The following ACAP2 variants were observed in gnomAD, a reference collection of about 807,000 sequenced individuals.
ACAP2 encodes ArfGAP with coiled-coil, ankyrin repeat and PH domains 2.
In ACAP2, 39 loss-of-function variants were observed where a neutral mutation model predicts 115.8. The ratio of observed to expected loss-of-function variants is 0.34; its 90% confidence interval spans 0.26 to 0.44. The LOEUF (loss-of-function observed/expected upper bound fraction) is 0.44, where lower values mean the gene tolerates loss of function less well. Among genes scored for constraint, ACAP2 ranks in the 20% least tolerant of loss-of-function variants. The pLI is 1.00. For missense variants in ACAP2, 662 were observed against 927.6 expected, an observed-to-expected ratio of 0.71 and a Z score of 3.72; for synonymous variants, 289 against 315.8, an observed-to-expected ratio of 0.92 and a Z score of 0.90.
rs149964976 is a variant in ACAP2, at chr3:195,342,267, G to T, written c.528+204C>A. ...GAAATATAATGTTAAGAGAAAAGAGGCAGAACTCAGAACCAAAGGAATATA... is the reference window on the plus strand; with the variant it reads ...GAAATATAATGTTAAGAGAAAAGAGTCAGAACTCAGAACCAAAGGAATATA... On this transcript the variant is annotated intron_variant, in intron 6 of 22. Coordinates refer to ENST00000326793, the MANE Select transcript of ACAP2 (RefSeq NM_012287.6). Among the ~76,000 whole-genome samples, 297 of 152,210 alleles carry T rather than the reference G, an allele frequency of 2.0e-3. 7 individuals are homozygous for T. In the East Asian group the frequency reaches 0.03, roughly 16 times the overall value.
chr3:195,369,292 T>C (rs1447591866), intron 4 of ACAP2, among the ~76,000 whole-genome samples: 1 of 152,238 alleles, frequency 6.6e-6, no homozygotes, highest in African/African-American at 2.4e-5. Flanking sequence ...TATTTTAGGT[T>C]CAGTGGTACA....
chr3:195,339,631 A>C (rs75876701), intron 6 of ACAP2, among the ~76,000 whole-genome samples: 3,248 of 152,164 alleles, frequency 0.021, 113 homozygotes, highest in East Asian at 0.099. Context: ...AAGTAGACAT[A>C]AATGAAATAA....
chr3:195,393,436 C>A (rs962341747), intron 1 of ACAP2, among the ~76,000 whole-genome samples: 1 of 152,176 alleles, frequency 6.6e-6, no homozygotes, highest in Non-Finnish European at 1.5e-5. Flanking sequence ...GTGTTTAAAT[C>A]TCTAAAATAA....
At position 195,381,058 on chromosome 3, in the gene ACAP2, C is replaced by A; in HGVS notation, c.236G>T (p.Ser79Ile). 6.3e-7 allele frequency: 1 copy of A among 1,599,126 alleles called. No individual in the cohort carries two copies. The highest frequency in any genetic ancestry group is 1.1e-5 in the South Asian group (1 of 87,378). The change falls in exon 4 of 23, where the codon AGT (serine) becomes ATT (isoleucine). Residue 79 changes from serine to isoleucine, a missense_variant. Ser to Ile is a moderately radical substitution (Grantham distance 142, BLOSUM62 -2). Transcript: ENST00000326793. The part of the protein sequence containing the change: ...YSSNDAVVET[S>I]LTKFSDSLQE... The stretch of plus-strand genomic sequence containing the variant: ...AAGACTGTCAGAAAACTTGGTCAAA[C>A]TTGTCTATGAGAAAAAAAGCAAAAG...
intron 3 of ACAP2, among the ~76,000 whole-genome samples, 195 bp from the exon 4 acceptor site, chr3:195,381,257 C>T (rs994219922): frequency 6.6e-6 from 1 of 152,108 alleles, no homozygotes; most frequent in African/African-American, 2.4e-5. Flanking sequence ...ACAAATAAAA[C>T]CCTAAAAATG....
intron 2 of ACAP2, among the ~76,000 whole-genome samples, chr3:195,387,669 T>C (rs1241252640): frequency 6.6e-6 from 1 of 152,210 alleles, no homozygotes; most frequent in African/African-American, 2.4e-5. Flanking sequence ...TTAGCCAAGC[T>C]GGTCTCAAAC....
At chr3:195,367,262 T>G (rs1298648288) in intron 4 of ACAP2, among the ~76,000 whole-genome samples, 3 of 152,134 alleles carry the variant, frequency 2.0e-5, no homozygotes, top group Non-Finnish European at 4.4e-5. Flanking sequence ...TCTAACAAGT[T>G]CCCAGATGGT....
intron 1 of ACAP2, among the ~76,000 whole-genome samples, chr3:195,417,179 G>A (rs1391917320): frequency 1.1e-4 from 15 of 140,328 alleles, no homozygotes; most frequent in African/African-American, 3.2e-4. Context: ...CAGTCCTCCC[G>A]CCTTAGCCTC....
intron 22 of ACAP2, among the ~76,000 whole-genome samples, chr3:195,280,071 C>A (rs1452706038): frequency 7.6e-6 from 1 of 131,320 alleles, no homozygotes; most frequent in African/African-American, 2.7e-5. Flanking sequence ...CTTTGGGAAG[C>A]TGGGTGGGGG....
chr3:195,410,306 T>G lies in ACAP2; in HGVS notation c.54-18159A>C, dbSNP rs528776432. 1.5e-4 allele frequency among the ~76,000 whole-genome samples: 23 copies of G among 152,276 alleles called. No individual in the cohort carries two copies. In the South Asian group the frequency reaches 4.8e-3, roughly 32 times the overall value. ...TGACTGAAATGTTAAGATCTAAAAC[T>G]ATAAAACTCTTAGAAGAAAACGTAG... On this transcript the variant is annotated intron_variant, in intron 1 of 22. Transcript: ENST00000326793.
At chr3:195,296,476 T>A (rs1240049510) in intron 16 of ACAP2, among the ~76,000 whole-genome samples, 1 of 152,208 alleles carries the variant, frequency 6.6e-6, no homozygotes, top group Non-Finnish European at 1.5e-5. Context: ...AGAAGGCTAT[T>A]TCAAGGTCTG....
At chr3:195,337,168 G>A (rs544485501) in intron 6 of ACAP2, among the ~76,000 whole-genome samples, 192 bp from the exon 7 acceptor site, 3 of 152,220 alleles carry the variant, frequency 2.0e-5, no homozygotes, top group South Asian at 4.1e-4. Context: ...TGAAATTCTC[G>A]TACATTTCTG....
intron 10 of ACAP2, among the ~76,000 whole-genome samples, chr3:195,312,039 T>A (rs904576481): frequency 6.6e-6 from 1 of 151,410 alleles, no homozygotes; most frequent in African/African-American, 2.4e-5. Context: ...AGCTTCCAAA[T>A]GACAAAATTT....
intron 13 of ACAP2, 96 bp downstream of exon 13, chr3:195,306,415 C>A: frequency 1.7e-6 from 1 of 605,734 alleles, no homozygotes; most frequent in Non-Finnish European, 2.7e-6. Context: ...AATCATCTTC[C>A]ATAACAAACG....
At chr3:195,320,931 C>T (rs940494854) in intron 9 of ACAP2, 118 bp from the exon 10 acceptor site, 1 of 568,432 alleles carries the variant, frequency 1.8e-6, no homozygotes, top group Non-Finnish European at 3.1e-6. Context: ...ACAGTTACAA[C>T]AATATTAATA....
At chr3:195,388,080 A>G (rs927419450) in intron 2 of ACAP2, among the ~76,000 whole-genome samples, 5 of 152,196 alleles carry the variant, frequency 3.3e-5, no homozygotes, top group Non-Finnish European at 5.9e-5. Flanking sequence ...ACCCAAAACT[A>G]TAATATTATA....
At chr3:195,303,553 C>T (rs760974542) in intron 13 of ACAP2, among the ~76,000 whole-genome samples, 7 of 152,076 alleles carry the variant, frequency 4.6e-5, no homozygotes, top group Non-Finnish European at 1.0e-4. Flanking sequence ...TGACACCGTA[C>T]TCCAGCCTGG....
chr3:195,429,112 G>C (rs1392685291), intron 1 of ACAP2, among the ~76,000 whole-genome samples: 2 of 152,098 alleles, frequency 1.3e-5, no homozygotes, highest in African/African-American at 4.8e-5. Flanking sequence ...CACTGGCCAG[G>C]TGCAGTGGCT....
chr3:195,298,261 T>C (rs1727788360), intron 15 of ACAP2, among the ~76,000 whole-genome samples: 1 of 148,554 alleles, frequency 6.7e-6, no homozygotes, highest in Non-Finnish European at 1.5e-5. Context: ...TCTTTTTTTT[T>C]TTTTTTTTTT....
Sources: allele counts gnomAD v4.1 joint callset (sites outside exome capture counted in the v4.1 genomes callset), GRCh38; gene constraint gnomAD v4.1.1; transcripts MANE v1.5; gene names NCBI Gene and HGNC (gene_info 2026-07-23, HGNC 2026-07-21).